The following CYP26B1 variants were observed in gnomAD, a reference collection of about 807,000 sequenced individuals.
CYP26B1 encodes the protein cytochrome P450 26B1.
A neutral mutation model predicts 39.1 loss-of-function variants in CYP26B1; 8 were observed. The ratio of observed to expected loss-of-function variants is 0.20; its 90% CI spans 0.12 to 0.37. The LOEUF is 0.37. CYP26B1 is among the 10% of genes least tolerant of loss of function. CYP26B1 has a pLI of 1.00. For synonymous variants in CYP26B1, 321 were observed against 314.3 expected, an observed-to-expected ratio of 1.02 and a Z score of -0.23; for missense variants, 615 against 707.0, an observed-to-expected ratio of 0.87 and a Z score of 1.48.
intron 1 of CYP26B1, among the ~76,000 whole-genome samples, chr2:72,145,260 T>C (rs1372936244): frequency 6.6e-6 from 1 of 152,210 alleles, no homozygotes; most frequent in Non-Finnish European, 1.5e-5. Flanking sequence ...CTTTCCTTTT[T>C]TCCACAGAAA....
Position 72,135,377 on chromosome 2 carries a change from G to T in CYP26B1, c.472C>A (p.Leu158Met). 6.2e-7 allele frequency: 1 copy of T among 1,613,578 alleles called. No homozygotes were observed. Among genetic ancestry groups the T allele is most frequent in the Non-Finnish European group, 8.5e-7 (1 of 1,180,036 alleles). ...IFSHEALESYLPKIQLVIQDT... is the reference protein window; with the variant it reads ...IFSHEALESYMPKIQLVIQDT... ...TGGATCACCAGCTGGATCTTGGGCAGGTAACTCTCCAGGGCCTCGTGGCTG... is the reference window on the plus strand; with the variant it reads ...TGGATCACCAGCTGGATCTTGGGCATGTAACTCTCCAGGGCCTCGTGGCTG... Residue 158 changes from leucine to methionine, a missense_variant, in exon 3 of 6, where the codon CTG becomes ATG. Physicochemically the swap from Leu to Met is conservative, Grantham distance 15. Coordinates refer to ENST00000001146, the MANE Select transcript of CYP26B1 (RefSeq NM_019885.4).
chr2:72,143,706 A>C, intron 2 of CYP26B1, among the ~76,000 whole-genome samples: 1 of 152,242 alleles, frequency 6.6e-6, no homozygotes, highest in East Asian at 1.9e-4. Context: ...GAGCAAGGCA[A>C]GGACAGGCTT....
intron 2 of CYP26B1, 49 bp from the exon 3 acceptor site, chr2:72,135,468 CT>C (rs1676744178): frequency 1.9e-6 from 3 of 1,599,050 alleles, no homozygotes; most frequent in East Asian, 4.5e-5. Flanking sequence ...CAGCCCACCC[CT>C]GGCCAGCCCC....
intron 5 of CYP26B1, 36 bp from the exon 6 acceptor site, chr2:72,132,655 G>A (rs1184338209): frequency 6.4e-7 from 1 of 1,564,382 alleles, no homozygotes; most frequent in Non-Finnish European, 8.7e-7. Context: ...TGGGTGGTGA[G>A]AGCCAGAGGA....
chr2:72,132,647 G>A lies in CYP26B1; in HGVS notation c.1147-28C>T, dbSNP rs368819774. The stretch of plus-strand genomic sequence containing the variant: ...GGAGCAAGATGGGGGCCGAGGAGTG[G>A]GTGGTGAGAGCCAGAGGAGCCCACA... On this transcript the variant is annotated intron_variant, in intron 5 of 5. Coordinates refer to ENST00000001146, the MANE Select transcript of CYP26B1 (RefSeq NM_019885.4). The A allele has an allele frequency of 2.8e-4, 435 of 1,573,468 alleles. 1 individual carries two copies. The highest frequency in any genetic ancestry group is 3.7e-4 in the Non-Finnish European group (425 of 1,159,632).
chr2:72,136,884 G>A (rs1039570839), intron 2 of CYP26B1, among the ~76,000 whole-genome samples: 8 of 152,210 alleles, frequency 5.3e-5, no homozygotes, highest in Admixed American at 1.3e-4. Context: ...AGAGACCAGC[G>A]CTGGCCAATG....
At chr2:72,145,844 A>G (rs1481238982) in intron 1 of CYP26B1, among the ~76,000 whole-genome samples, 1 of 152,192 alleles carries the variant, frequency 6.6e-6, no homozygotes, top group Admixed American at 6.5e-5. Flanking sequence ...CGCGAGTCCA[A>G]TTTATACAAA....
At chr2:72,146,664 ATCCCTGC>A (rs1158387414) in intron 1 of CYP26B1, among the ~76,000 whole-genome samples, 1 of 152,208 alleles carries the variant, frequency 6.6e-6, no homozygotes, top group Non-Finnish European at 1.5e-5. Flanking sequence ...GTTTCAGGAC[ATCCCTGC>A]TTCCCCTAAC....
chr2:72,143,921 G>A, intron 2 of CYP26B1, 68 bp downstream of exon 2: 2 of 1,569,100 alleles, frequency 1.3e-6, no homozygotes, highest in South Asian at 1.1e-5. Flanking sequence ...ACATTCCCCG[G>A]GCTCCAGGAA....
chr2:72,132,770 C>A, intron 5 of CYP26B1, 151 bp from the exon 6 acceptor site: 1 of 1,443,804 alleles, frequency 6.9e-7, no homozygotes, highest in Non-Finnish European at 9.2e-7. Context: ...CCTGGCCAGC[C>A]TGCCCCATTC....
Position 72,130,803 on chromosome 2 carries a change from G to T in CYP26B1, c.*1424C>A, listed in dbSNP as rs948549755. On this transcript the variant is annotated 3_prime_UTR_variant, in exon 6 of 6. Transcript: ENST00000001146. The stretch of plus-strand genomic sequence containing the variant: ...ACCCAATCCCCCTGACAAACCGCAC[G>T]TAGCCGCCTCTTCAGCTTCAGCTGC... The T allele has an allele frequency of 3.3e-5, 5 of 152,102 alleles. No homozygotes were observed. The highest frequency in any genetic ancestry group is 1.2e-4 in the African/African-American group (5 of 41,412). The allele number at this position is 152,102 out of a possible 1,614,324, so 9.4% of individuals were successfully genotyped here.
rs1676608268 is a variant in CYP26B1, at chr2:72,132,292, C to G, written c.1474G>C (p.Gly492Arg). Residue 492 changes from glycine (G) to arginine (R), a missense_variant, in exon 6 of 6, where the codon GGC (glycine) becomes CGC (arginine). Gly to Arg is a moderately radical substitution (Grantham distance 125, BLOSUM62 -2). Transcript: ENST00000001146. ...ATCTCGTTCTGGTTGGAGTCCAGGCCAAAGAACTTGACGCTGAGGCCATCC... is the reference window on the plus strand; with the variant it reads ...ATCTCGTTCTGGTTGGAGTCCAGGCGAAAGAACTTGACGCTGAGGCCATCC... ...PVDGLSVKFF[G>R]LDSNQNEILP... 1.2e-6 allele frequency: 2 copies of G among 1,606,396 alleles called. No homozygotes were observed. Among genetic ancestry groups the G allele is most frequent in the East Asian group, 4.5e-5 (2 of 44,594 alleles).
Position 72,132,635 on chromosome 2 carries a change from G to A in CYP26B1, c.1147-16C>T, listed in dbSNP as rs1676627219. On this transcript the variant is annotated splice_polypyrimidine_tract_variant and intron_variant, in intron 5 of 5. Transcript: ENST00000001146. The stretch of plus-strand genomic sequence containing the variant: ...TCTGGAAACCCTGGAGCAAGATGGG[G>A]GCCGAGGAGTGGGTGGTGAGAGCCA... 6.3e-7 allele frequency: 1 copy of A among 1,586,288 alleles called. No individual in the cohort carries two copies. The highest frequency in any genetic ancestry group is 8.6e-7 in the Non-Finnish European group (1 of 1,166,508).
Position 72,147,704 on chromosome 2 carries a change from C to T in CYP26B1, c.131G>A (p.Ser44Asn), listed in dbSNP as rs1298813119. 6.2e-7 allele frequency: 1 copy of T among 1,607,074 alleles called. No homozygotes were observed. Among genetic ancestry groups the T allele is most frequent in the South Asian group, 1.1e-5 (1 of 89,966 alleles). ...TCCCTTGGGGATGGGCAGCTTGCAG[C>T]TCTTGTCGCGAGTGGCGGCCCAGCG... ...QLRWAATRDK[S>N]CKLPIPKGSM... Residue 44 changes from serine to asparagine, a missense_variant, in exon 1 of 6, where the codon AGC (serine) becomes AAC (asparagine). Transcript: ENST00000001146. This position sits in a 1 kb window ranked among gnomAD's most constrained non-coding sequence, Gnocchi z 6.1.
rs1027775074 is a variant in CYP26B1 at position 72,131,932 on chromosome 2, G to A, written c.*295C>T. ...GAACATCACAAAAACACTGTAGCAC[G>A]CGCTGACACCTAACACTGTCACGGG... On this transcript the variant is annotated 3_prime_UTR_variant, in exon 6 of 6. Transcript: ENST00000001146. The A allele has an allele frequency of 2.0e-4, 100 of 490,480 alleles. No homozygotes were observed. The highest frequency in any genetic ancestry group is 1.6e-3 in the African/African-American group (82 of 51,646). 30.4% of individuals were successfully genotyped at this position (490,480 alleles called of 1,614,324 possible).
In CYP26B1 at chr2:72,139,040, T is replaced by G. The variant is rs370143104; in HGVS notation, c.430-3621A>C. On this transcript the variant is annotated intron_variant, in intron 2 of 5. Coordinates refer to ENST00000001146, the MANE Select transcript of CYP26B1 (RefSeq NM_019885.4). ...AACCCCATGGCCCTGCGTGCTGCGCTTGCTCAGCCAGATAGCCTCCCCCTT... is the reference window on the plus strand; with the variant it reads ...AACCCCATGGCCCTGCGTGCTGCGCGTGCTCAGCCAGATAGCCTCCCCCTT... Among the ~76,000 whole-genome samples the G allele has an allele frequency of 3.3e-5, 5 of 152,206 alleles. No individual in the cohort carries two copies. The East Asian group carries it at 7.7e-4, about 24-fold the overall frequency.
rs1416957939 is a variant in CYP26B1 at position 72,130,926 on chromosome 2, C to T, written c.*1301G>A. The T allele has an allele frequency of 1.3e-5, 2 of 152,594 alleles. No individual in the cohort carries two copies. The highest frequency in any genetic ancestry group is 2.4e-5 in the African/African-American group (1 of 41,462). The allele number at this position is 152,594 out of a possible 1,614,324, so 9.5% of individuals were successfully genotyped here. ...GCTCACCTCCCCCACGCTTTCGCCT[C>T]TTCCCCACCCCTGAGCTGGGCTAAG... is the stretch of plus-strand genomic sequence containing the variant. On this transcript the variant is annotated 3_prime_UTR_variant, in exon 6 of 6. Coordinates refer to ENST00000001146, the MANE Select transcript of CYP26B1 (RefSeq NM_019885.4).
rs557070285 is a variant in CYP26B1, at chr2:72,134,775, T to C, written c.847A>G (p.Met283Val). Residue 283 changes from methionine (M) to valine (V), a missense_variant, in exon 4 of 6, where the codon ATG becomes GTG. Physicochemically the swap from Met to Val is conservative, Grantham distance 21 (BLOSUM62 1). Transcript: ENST00000001146. ...GCCCACCCCACCTTCAGCTCCTGCA[T>C]GGTCATCTCCTTCCCGTGCTCCTTG... ...SSKEHGKEMTMQELKDGTLEL... is the reference protein window; with the variant it reads ...SSKEHGKEMTVQELKDGTLEL... The C allele has an allele frequency of 1.1e-4, 180 of 1,613,852 alleles. 1 individual carries two copies. The South Asian group carries it at 1.9e-3, about 17-fold the overall frequency.
At position 72,132,978 on chromosome 2, in the gene CYP26B1, G is replaced by T. The variant is rs747768982; in HGVS notation, c.1146+45C>A. 5.0e-6 allele frequency: 8 copies of T among 1,612,296 alleles called. 1 individual carries two copies. The South Asian group carries it at 8.8e-5, about 18-fold the overall frequency. Reference sequence around the variant, plus strand: ...TGCCCCGCCTTGCCCCTATCCCGGTGCCCCTGCTCCCCCATCGCCCCCGGT... The same window carrying T: ...TGCCCCGCCTTGCCCCTATCCCGGTTCCCCTGCTCCCCCATCGCCCCCGGT... On this transcript the variant is annotated intron_variant, in intron 5 of 5. Coordinates refer to ENST00000001146, the MANE Select transcript of CYP26B1 (RefSeq NM_019885.4).
Sources: gnomAD v4.1 joint callset for allele counts (sites outside exome capture counted in the v4.1 genomes callset) on GRCh38, gnomAD v4.1.1 for gene constraint, Gnocchi (gnomAD v3.1) non-coding constraint, MANE v1.5 for transcripts, NCBI Gene and HGNC (gene_info 2026-07-23, HGNC 2026-07-21) for gene names.